HP1BP3: variants seen among roughly 807,000 people sequenced by gnomAD.
HP1BP3 encodes the protein heterochromatin protein 1 binding protein 3.
In HP1BP3, 12 loss-of-function variants were observed where a neutral mutation model predicts 62.5. The ratio of observed to expected loss-of-function variants is 0.19; its 90% CI spans 0.12 to 0.31. The LOEUF (loss-of-function observed/expected upper bound fraction) is 0.31. Ranked by LOEUF, HP1BP3 falls within the 10% of genes least tolerant of loss-of-function variation. The probability of loss-of-function intolerance (pLI) is 1.00; values close to 1 mark genes in which losing one functional copy is unlikely to be tolerated. For synonymous variants in HP1BP3, 260 were observed against 237.8 expected (o/e 1.09, Z -0.86); for missense variants, 502 against 651.8 (o/e 0.77, Z 2.50).
At chr1:20,777,639 T>C (rs1227461054) in intron 3 of HP1BP3, among the ~76,000 whole-genome samples, 1 of 152,106 alleles carries the variant, frequency 6.6e-6, no homozygotes, top group African/African-American at 2.4e-5. Flanking sequence ...TTTGTATTTT[T>C]AGTAGTGACA....
At chr1:20,765,642 T>C (rs2056742997) in intron 7 of HP1BP3, 111 bp from the exon 8 acceptor site, 3 of 821,792 alleles carry the variant, frequency 3.7e-6, no homozygotes, top group Non-Finnish European at 3.8e-6. Context: ...TATGGCAATT[T>C]CTTTGATATA....
chr1:20,764,577 G>A (rs139897475), intron 8 of HP1BP3, among the ~76,000 whole-genome samples: 306 of 148,118 alleles, frequency 2.1e-3, no homozygotes, highest in Non-Finnish European at 3.4e-3. Flanking sequence ...CAACTGTTAA[G>A]ATATTTCATA....
chr1:20,782,226 C>G (rs1161033699), intron 1 of HP1BP3, among the ~76,000 whole-genome samples: 1 of 151,902 alleles, frequency 6.6e-6, no homozygotes, highest in Non-Finnish European at 1.5e-5. Context: ...TCCCTTGAAG[C>G]TAGAAATTCA....
Position 20,744,421 on chromosome 1 carries a change from T to C in HP1BP3, c.*376A>G, listed in dbSNP as rs914615834. On this transcript the variant is annotated 3_prime_UTR_variant, in exon 13 of 13. Transcript: ENST00000438032. ...CTTCCAGGACCTGACTGGCATACCG[T>C]TCTTGATGCTTTCTACAAATATAAA... 1.1e-4 allele frequency: 20 copies of C among 190,000 alleles called. No homozygotes were observed. The highest frequency in any genetic ancestry group is 1.8e-4 in the Non-Finnish European group (17 of 91,950). The allele number at this position is 190,000 out of a possible 1,614,324, so 11.8% of individuals were successfully genotyped here.
intron 8 of HP1BP3, among the ~76,000 whole-genome samples, chr1:20,757,873 C>T (rs1235528634): frequency 3.3e-5 from 5 of 151,416 alleles, no homozygotes; most frequent in African/African-American, 7.3e-5. Flanking sequence ...TGGCCAGGCG[C>T]GGTGGCTCAC....
Position 20,765,453 on chromosome 1 carries a change from C to G in HP1BP3, c.814G>C (p.Glu272Gln). The change falls in exon 8 of 13, where the codon GAA (glutamate) becomes CAA (glutamine). Residue 272 changes from glutamate (E) to glutamine (Q), a missense_variant. Glu to Gln is a conservative substitution (Grantham distance 29). This residue lies in a region of HP1BP3 where 111 missense variants were observed against 242.0 expected (regional missense o/e 0.46). Transcript: ENST00000438032. ...VLPLAFTRLCEPKEASYSLIR... is the reference protein window; with the variant it reads ...VLPLAFTRLCQPKEASYSLIR... The stretch of plus-strand genomic sequence containing the variant: ...AGACTGTAGGAAGCTTCTTTAGGTT[C>G]ACAAAGGCGAGTAAAGGCCAGTGGG... 6.2e-7 allele frequency: 1 copy of G among 1,613,556 alleles called. No homozygotes were observed. Among genetic ancestry groups the G allele is most frequent in the Non-Finnish European group, 8.5e-7 (1 of 1,179,596 alleles).
chr1:20,772,158 A>T (rs1329657920), intron 5 of HP1BP3, among the ~76,000 whole-genome samples: 1 of 152,222 alleles, frequency 6.6e-6, no homozygotes, highest in East Asian at 1.9e-4. Flanking sequence ...CCAATCCGAC[A>T]GTGAGATGGT....
chr1:20,766,610 C>T (rs1251285972), intron 7 of HP1BP3, among the ~76,000 whole-genome samples: 2 of 152,132 alleles, frequency 1.3e-5, no homozygotes, highest in African/African-American at 4.8e-5. Flanking sequence ...AAAATTGGAT[C>T]TGGGTATTGT....
chr1:20,744,569 G>A lies in HP1BP3; in HGVS notation c.*228C>T, dbSNP rs540284125. On this transcript the variant is annotated 3_prime_UTR_variant, in exon 13 of 13. Transcript: ENST00000438032. Reference sequence around the variant, plus strand: ...AGTATACATTACATAGTTTAGGAAAGTCCAGGATTATTGCAGAAATTAAAA... The same window carrying A: ...AGTATACATTACATAGTTTAGGAAAATCCAGGATTATTGCAGAAATTAAAA... The A allele has an allele frequency of 2.3e-4, 121 of 518,536 alleles. 1 individual carries two copies. In the East Asian group the frequency reaches 4.1e-3, roughly 18 times the overall value. 32.1% of individuals were successfully genotyped at this position (518,536 alleles called of 1,614,324 possible).
Position 20,740,483 on chromosome 1 carries a change from A to T in HP1BP3, c.*4314T>A, listed in dbSNP as rs2055052689. On this transcript the variant is annotated 3_prime_UTR_variant, in exon 13 of 13. Coordinates refer to ENST00000438032, the MANE Select transcript of HP1BP3 (RefSeq NM_001372052.1). Reference sequence around the variant, plus strand: ...CATCAAAGGTAGAAAGTTTTCCAACAGGAAAAAAGCCACTGAAGTTAACAG... The same window carrying T: ...CATCAAAGGTAGAAAGTTTTCCAACTGGAAAAAAGCCACTGAAGTTAACAG... Among the ~76,000 whole-genome samples, 1 of 152,260 alleles carries T rather than the reference A, an allele frequency of 6.6e-6. No homozygotes were observed. The highest frequency in any genetic ancestry group is 1.5e-5 in the Non-Finnish European group (1 of 68,044).
rs376506989 is a variant in HP1BP3 at position 20,762,216 on chromosome 1, TG to T, written c.890+3160del. Among the ~76,000 whole-genome samples, 7 of 152,252 alleles carry T rather than the reference TG, an allele frequency of 4.6e-5. 1 individual carries two copies. Among genetic ancestry groups the T allele is most frequent in the African/African-American group, 1.7e-4 (7 of 41,556 alleles). On this transcript the variant is annotated intron_variant, in intron 8 of 12. Coordinates refer to ENST00000438032, the MANE Select transcript of HP1BP3 (RefSeq NM_001372052.1). ...TTCACATAAGAGAAAAAAGTTTCAA[TG>T]GAAAAAATTACCATTAAAAAGGCCA...
Position 20,781,344 on chromosome 1 carries a change from C to T in HP1BP3, c.-100-804G>A, listed in dbSNP as rs561962163. 1.1e-4 allele frequency among the ~76,000 whole-genome samples: 16 copies of T among 152,266 alleles called. No individual in the cohort carries two copies. The South Asian group carries it at 3.1e-3, about 30-fold the overall frequency. ...TTAACAATGAGTAGGGAATGACAGT[C>T]ATGCAACTTCTACATTAAGGTCTAA... On this transcript the variant is annotated intron_variant, in intron 1 of 12. Coordinates refer to ENST00000438032, the MANE Select transcript of HP1BP3 (RefSeq NM_001372052.1).
In HP1BP3 at chr1:20,770,913, T is replaced by C; in HGVS notation, c.654+17A>G. 1 of 1,564,084 alleles carries C rather than the reference T, an allele frequency of 6.4e-7. No homozygotes were observed. The highest frequency in any genetic ancestry group is 2.3e-5 in the East Asian group (1 of 43,214). On this transcript the variant is annotated intron_variant, in intron 6 of 12. Coordinates refer to ENST00000438032, the MANE Select transcript of HP1BP3 (RefSeq NM_001372052.1). Reference sequence around the variant, plus strand: ...ATACACAATGAAATGATCTTACTACTAACAATTGTGTAATACCTGTTTGAT... The same window carrying C: ...ATACACAATGAAATGATCTTACTACCAACAATTGTGTAATACCTGTTTGAT...
chr1:20,783,560 T>C (rs774805596), intron 1 of HP1BP3, among the ~76,000 whole-genome samples: 5 of 148,834 alleles, frequency 3.4e-5, no homozygotes, highest in African/African-American at 1.2e-4. Context: ...ACAAAAAAAA[T>C]AGAGATGTTA....
At chr1:20,782,474 T>C (rs1373122929) in intron 1 of HP1BP3, among the ~76,000 whole-genome samples, 1 of 151,760 alleles carries the variant, frequency 6.6e-6, no homozygotes, top group Non-Finnish European at 1.5e-5. Context: ...TCCCAGCTAC[T>C]TGGGAAGCTG....
rs145433019 is a variant in HP1BP3 at position 20,767,384 on chromosome 1, T to G, written c.735+200A>C. On this transcript the variant is annotated intron_variant, in intron 7 of 12. Transcript: ENST00000438032. ...TATAAGGCACTTAAGAGCACAGGCT[T>G]AACCAGGTTGGACTGCTTGGATCTG... Among the ~76,000 whole-genome samples the G allele has an allele frequency of 2.6e-5, 4 of 152,294 alleles. No homozygotes were observed. The East Asian group carries it at 7.7e-4, about 29-fold the overall frequency.
intron 1 of HP1BP3, 111 bp from the exon 2 acceptor site, chr1:20,780,651 G>T (rs12086758): frequency 0.011 from 6,149 of 554,490 alleles, 289 homozygotes; most frequent in African/African-American, 0.098. Context: ...AAATTTATAG[G>T]TAAGTGACAG....
intron 3 of HP1BP3, among the ~76,000 whole-genome samples, chr1:20,776,971 C>T (rs1454712519): frequency 6.6e-6 from 1 of 151,966 alleles, no homozygotes; most frequent in Non-Finnish European, 1.5e-5. Flanking sequence ...AAAAATAGAC[C>T]AGGAAATTAC....
At chr1:20,757,032 G>A (rs1176280162) in intron 9 of HP1BP3, 134 bp downstream of exon 9, 2 of 528,970 alleles carry the variant, frequency 3.8e-6, no homozygotes, top group East Asian at 6.1e-5. Flanking sequence ...TTCTAACATA[G>A]TAAATGTTGA....
Sources: gnomAD v4.1 joint callset for allele counts (sites outside exome capture counted in the v4.1 genomes callset) on GRCh38, gnomAD v4.1.1 for gene constraint, gnomAD v4.1.1 regional missense constraint, MANE v1.5 for transcripts, NCBI Gene and HGNC (gene_info 2026-07-23, HGNC 2026-07-21) for gene names.